RETREG1: variants seen among roughly 807,000 people sequenced by gnomAD.
The protein encoded by RETREG1 is reticulophagy regulator 1, also known as family with sequence similarity 134 member B.
In RETREG1, 44 loss-of-function variants were observed where a neutral mutation model predicts 54.8. That is an observed-to-expected ratio of 0.80 (90% CI 0.63 to 1.03). The LOEUF (loss-of-function observed/expected upper bound fraction) is 1.03, where lower values mean the gene tolerates loss of function less well. Ranked by LOEUF, RETREG1 falls within the 50% of genes least tolerant of loss-of-function variation. The pLI is 0.00. For missense variants in RETREG1, 554 were observed against 605.1 expected (o/e 0.92, Z 0.89); for synonymous variants, 217 against 238.5 (o/e 0.91, Z 0.83).
chr5:16,599,177 G>A (rs747750304), intron 1 of RETREG1, among the ~76,000 whole-genome samples: 6 of 152,086 alleles, frequency 3.9e-5, no homozygotes, highest in Non-Finnish European at 5.9e-5. Context: ...ACTGCACTCC[G>A]GCCTGGGCAA....
chr5:16,566,591 G>C (rs1742020571), intron 2 of RETREG1, among the ~76,000 whole-genome samples: 1 of 152,184 alleles, frequency 6.6e-6, no homozygotes, highest in Non-Finnish European at 1.5e-5. Context: ...CCCCTATCGA[G>C]AGCTATGGGA....
At chr5:16,550,979 A>T (rs1741519422) in intron 3 of RETREG1, among the ~76,000 whole-genome samples, 1 of 152,218 alleles carries the variant, frequency 6.6e-6, no homozygotes, top group Admixed American at 6.5e-5. Context: ...TGGTTACAGA[A>T]TTCCTTTTGG....
At chr5:16,530,569 C>T (rs1740881187) in intron 3 of RETREG1, among the ~76,000 whole-genome samples, 1 of 152,134 alleles carries the variant, frequency 6.6e-6, no homozygotes, top group Non-Finnish European at 1.5e-5. Context: ...ACTCAAGTGT[C>T]TGCTTTTTAA....
At chr5:16,495,643 T>C (rs1739422324) in intron 3 of RETREG1, among the ~76,000 whole-genome samples, 1 of 151,906 alleles carries the variant, frequency 6.6e-6, no homozygotes, top group Admixed American at 6.6e-5. Flanking sequence ...CTACTAAAAA[T>C]ACAAAAAATT....
At chr5:16,488,558 A>G (rs1459230140) in intron 3 of RETREG1, among the ~76,000 whole-genome samples, 2 of 152,198 alleles carry the variant, frequency 1.3e-5, no homozygotes, top group African/African-American at 2.4e-5. Context: ...TGGAGTCTTC[A>G]GCTGAGGCTT....
At chr5:16,525,833 G>A (rs1740702206) in intron 3 of RETREG1, among the ~76,000 whole-genome samples, 2 of 152,082 alleles carry the variant, frequency 1.3e-5, no homozygotes, top group Admixed American at 1.3e-4. Context: ...AAGTCTGCAC[G>A]GTAGGCCAAC....
intron 3 of RETREG1, among the ~76,000 whole-genome samples, chr5:16,531,425 G>C (rs1159036132): frequency 6.6e-6 from 1 of 152,138 alleles, no homozygotes; most frequent in Non-Finnish European, 1.5e-5. Flanking sequence ...CAGGCCAGGC[G>C]TCAGGAGGGT....
At chr5:16,566,216 A>C (rs1247301450) in intron 2 of RETREG1, among the ~76,000 whole-genome samples, 2 of 152,228 alleles carry the variant, frequency 1.3e-5, no homozygotes, top group African/African-American at 2.4e-5. Flanking sequence ...AAGCGCCAAT[A>C]ATAGAAATGG....
chr5:16,605,501 G>T (rs1743163064), intron 1 of RETREG1, among the ~76,000 whole-genome samples: 1 of 152,186 alleles, frequency 6.6e-6, no homozygotes, highest in Admixed American at 6.5e-5. Flanking sequence ...ACAAGAATGG[G>T]AGGGAGTGGG....
rs529785376 is a variant in RETREG1 at position 16,498,073 on chromosome 5, C to A, written c.459-14601G>T. 7.2e-5 allele frequency among the ~76,000 whole-genome samples: 11 copies of A among 152,362 alleles called. No individual in the cohort carries two copies. In the South Asian group the frequency reaches 2.3e-3, roughly 32 times the overall value. On this transcript the variant is annotated intron_variant, in intron 3 of 8. Transcript: ENST00000306320. ...TTTATAATGAAGTCTATCTCAAAGT[C>A]TTCCTGAGCACAAACAACTATGTTT...
chr5:16,531,464 C>G (rs921275188), intron 3 of RETREG1, among the ~76,000 whole-genome samples: 2 of 152,172 alleles, frequency 1.3e-5, no homozygotes, highest in Non-Finnish European at 2.9e-5. Context: ...CTGTAGTCAC[C>G]AAGCTTAAGT....
intron 3 of RETREG1, among the ~76,000 whole-genome samples, chr5:16,522,753 C>G (rs1740575380): frequency 6.6e-6 from 1 of 151,998 alleles, no homozygotes; most frequent in Admixed American, 6.5e-5. Context: ...GTCTGTAATC[C>G]CAACAGTTTG....
chr5:16,475,210 A>C lies in RETREG1; in HGVS notation c.1025T>G (p.Val342Gly). The change falls in exon 9 of 9, where the codon GTT (valine) becomes GGT (glycine). Residue 342 changes from valine to glycine, a missense_variant. Coordinates refer to ENST00000306320, the MANE Select transcript of RETREG1 (RefSeq NM_001034850.3). ...AAAATCTGAAAGATCTCTAGAGAAAACTTCCTCACTGGGTCGGTCAAGATC... is the reference window on the plus strand; with the variant it reads ...AAAATCTGAAAGATCTCTAGAGAAACCTTCCTCACTGGGTCGGTCAAGATC... Reference protein sequence around the residue: ...SDDLDRPSEEVFSRDLSDFPS... With the variant: ...SDDLDRPSEEGFSRDLSDFPS... The C allele has an allele frequency of 6.2e-7, 1 of 1,613,238 alleles. No individual in the cohort carries two copies. The highest frequency in any genetic ancestry group is 8.5e-7 in the Non-Finnish European group (1 of 1,179,824).
chr5:16,566,342 G>A (rs1742012360), intron 2 of RETREG1, among the ~76,000 whole-genome samples: 1 of 151,584 alleles, frequency 6.6e-6, no homozygotes, highest in Non-Finnish European at 1.5e-5. Flanking sequence ...TTAGGTAGGT[G>A]CAAATGAAAT....
chr5:16,494,728 T>A (rs1358244257), intron 3 of RETREG1, among the ~76,000 whole-genome samples: 3 of 152,198 alleles, frequency 2.0e-5, no homozygotes, highest in Non-Finnish European at 4.4e-5. Flanking sequence ...TCTCTGGTAT[T>A]TCTTTATAGC....
At chr5:16,553,088 T>A (rs1455112983) in intron 3 of RETREG1, among the ~76,000 whole-genome samples, 2 of 152,246 alleles carry the variant, frequency 1.3e-5, no homozygotes, top group Non-Finnish European at 2.9e-5. Flanking sequence ...CTTTGGGAAC[T>A]GTTCACTTTA....
At chr5:16,515,752 G>T (rs1308403445) in intron 3 of RETREG1, among the ~76,000 whole-genome samples, 1 of 152,160 alleles carries the variant, frequency 6.6e-6, no homozygotes, top group Non-Finnish European at 1.5e-5. Flanking sequence ...CATATAGTCT[G>T]CAGTCACATG....
chr5:16,572,163 G>T lies in RETREG1; in HGVS notation c.321-61C>A. On this transcript the variant is annotated intron_variant, in intron 1 of 8. Coordinates refer to ENST00000306320, the MANE Select transcript of RETREG1 (RefSeq NM_001034850.3). ...GAGGATTTTTAACCTTTTCAAAATT[G>T]GGTTTACTTCCTGCCACAGAAACAA... 7 of 1,244,066 alleles carry T rather than the reference G, an allele frequency of 5.6e-6. No individual in the cohort carries two copies. The South Asian group carries it at 7.2e-5, about 13-fold the overall frequency. The allele number at this position is 1,244,066 out of a possible 1,614,324, so 77.1% of individuals were successfully genotyped here. A position where few individuals can be genotyped will look rare whatever the true frequency, so the allele number is the denominator to read the frequency against.
At chr5:16,549,293 G>A (rs1230947244) in intron 3 of RETREG1, among the ~76,000 whole-genome samples, 1 of 152,072 alleles carries the variant, frequency 6.6e-6, no homozygotes, top group African/African-American at 2.4e-5. Context: ...TAAGCAATGT[G>A]TAGCTAACTT....
Sources: gnomAD v4.1 joint callset for allele counts (sites outside exome capture counted in the v4.1 genomes callset) on GRCh38, gnomAD v4.1.1 for gene constraint, MANE v1.5 for transcripts, NCBI Gene and HGNC (gene_info 2026-07-23, HGNC 2026-07-21) for gene names.